The following ASH1L variants were observed in gnomAD, a reference collection of about 807,000 sequenced individuals.
ASH1L encodes the protein ASH1 like histone lysine methyltransferase.
A neutral mutation model predicts 269.0 loss-of-function variants in ASH1L; 23 were observed. The ratio of observed to expected loss-of-function variants is 0.09; its 90% confidence interval spans 0.06 to 0.12. The LOEUF is 0.12. ASH1L is among the 10% of genes least tolerant of loss of function. ASH1L has a pLI of 1.00. For missense variants in ASH1L, 2,912 were observed against 3,567.8 expected, an observed-to-expected ratio of 0.82 and a Z score of 4.68; for synonymous variants, 1,187 against 1,253.5, an observed-to-expected ratio of 0.95 and a Z score of 1.12.
intron 4 of ASH1L, among the ~76,000 whole-genome samples, chr1:155,456,230 T>C (rs925520495): frequency 9.9e-5 from 15 of 152,216 alleles, no homozygotes; most frequent in African/African-American, 3.1e-4. Context: ...ACAAGGTGTT[T>C]GCTTGCTCTG....
At chr1:155,410,833 T>G (rs1659704900) in intron 6 of ASH1L, among the ~76,000 whole-genome samples, 1 of 150,988 alleles carries the variant, frequency 6.6e-6, no homozygotes, top group Non-Finnish European at 1.5e-5. Flanking sequence ...CTTGAACTCC[T>G]GGGCTCAAGC....
intron 2 of ASH1L, among the ~76,000 whole-genome samples, chr1:155,512,534 C>T (rs1668231508): frequency 7.0e-6 from 1 of 143,268 alleles, no homozygotes; most frequent in African/African-American, 2.6e-5. Flanking sequence ...TCACTGCAAC[C>T]TCCACCTCCT....
chr1:155,405,292 G>A (rs1010321753), intron 6 of ASH1L, among the ~76,000 whole-genome samples: 4 of 151,910 alleles, frequency 2.6e-5, no homozygotes, highest in Admixed American at 2.6e-4. Flanking sequence ...AGACCAGCCT[G>A]GCCAACATGG....
intron 13 of ASH1L, chr1:155,358,712 A>C (rs1046081485): frequency 9.9e-5 from 15 of 152,046 alleles, no homozygotes; most frequent in African/African-American, 1.7e-4. Flanking sequence ...AAAAAAAAAA[A>C]AAAACATGAA....
intron 6 of ASH1L, among the ~76,000 whole-genome samples, chr1:155,412,855 A>C (rs1464796862): frequency 1.3e-5 from 2 of 152,008 alleles, no homozygotes; most frequent in Non-Finnish European, 1.5e-5. Flanking sequence ...GTGTATGGGA[A>C]AACCCTCATA....
intron 6 of ASH1L, among the ~76,000 whole-genome samples, chr1:155,399,131 T>G (rs1658618334): frequency 6.6e-6 from 1 of 152,216 alleles, no homozygotes; most frequent in African/African-American, 2.4e-5. Context: ...TCCTCATATT[T>G]GTTACCACAT....
intron 2 of ASH1L, among the ~76,000 whole-genome samples, chr1:155,509,689 C>T (rs1344488048): frequency 6.6e-6 from 1 of 152,136 alleles, no homozygotes; most frequent in Non-Finnish European, 1.5e-5. Flanking sequence ...ATCCCAGCTA[C>T]TCAGGAGGCT....
chr1:155,549,961 C>T (rs1006064317), intron 1 of ASH1L, among the ~76,000 whole-genome samples: 1 of 152,092 alleles, frequency 6.6e-6, no homozygotes, highest in Admixed American at 6.6e-5. Flanking sequence ...CAAAATATAC[C>T]TCAAATCCAC....
At chr1:155,530,405 T>C (rs1035941512) in intron 1 of ASH1L, among the ~76,000 whole-genome samples, 7 of 152,110 alleles carry the variant, frequency 4.6e-5, no homozygotes, top group African/African-American at 1.7e-4. Flanking sequence ...CTGACTTATG[T>C]GGGTTATATT....
rs1371780466 is a variant in ASH1L, at chr1:155,364,999, A to T, written c.6687-4590T>A. Among the ~76,000 whole-genome samples, 5 of 151,630 alleles carry T rather than the reference A, an allele frequency of 3.3e-5. No individual in the cohort carries two copies. In the East Asian group the frequency reaches 9.7e-4, roughly 29 times the overall value. ...TTTTATTCCTTTACTTTCTTAATAAACTTGCTTTCACTTTATTCTATGGAC... is the reference window on the plus strand; with the variant it reads ...TTTTATTCCTTTACTTTCTTAATAATCTTGCTTTCACTTTATTCTATGGAC... On this transcript the variant is annotated intron_variant, in intron 12 of 27. Coordinates refer to ENST00000392403, the MANE Select transcript of ASH1L (RefSeq NM_018489.3).
chr1:155,420,742 C>T (rs1480791050), intron 5 of ASH1L, among the ~76,000 whole-genome samples: 1 of 151,136 alleles, frequency 6.6e-6, no homozygotes, highest in Non-Finnish European at 1.5e-5. Flanking sequence ...CTCAGCTACT[C>T]GGGAGGCTGA....
In ASH1L at chr1:155,463,293, T is replaced by C. The variant is rs184878936; in HGVS notation, c.4985-3395A>G. Among the ~76,000 whole-genome samples, 9 of 152,328 alleles carry C rather than the reference T, an allele frequency of 5.9e-5. No homozygotes were observed. In the East Asian group the frequency reaches 1.7e-3, roughly 29 times the overall value. On this transcript the variant is annotated intron_variant, in intron 3 of 27. Transcript: ENST00000392403. ...ACTATGGAGTAAAGCATCCTTGGGT[T>C]TGACTCCTGGCTCTGCTACAAATTA...
At chr1:155,560,969 A>C (rs530613550) in intron 1 of ASH1L, among the ~76,000 whole-genome samples, 38 of 151,624 alleles carry the variant, frequency 2.5e-4, no homozygotes, top group African/African-American at 9.0e-4. Flanking sequence ...CTATCTTTCC[A>C]GCATACTCAG....
In ASH1L at chr1:155,349,437, T is replaced by A. The variant is rs774220548; in HGVS notation, c.7444A>T (p.Ile2482Phe). The stretch of plus-strand genomic sequence containing the variant: ...GTGATAAGATCTAGGGGATCAGAGA[T>A]CTTCTCATAATAATCAGCATTCCTG... Reference protein sequence around the residue: ...KKKNADYYEKISDPLDLITIE... With the variant: ...KKKNADYYEKFSDPLDLITIE... The change falls in exon 19 of 28, where the codon ATC becomes TTC. Residue 2482 changes from isoleucine to phenylalanine, a missense_variant. Physicochemically the swap from Ile to Phe is conservative, Grantham distance 21. Coordinates refer to ENST00000392403, the MANE Select transcript of ASH1L (RefSeq NM_018489.3). 1.2e-6 allele frequency: 2 copies of A among 1,614,128 alleles called. No homozygotes were observed. Among genetic ancestry groups the A allele is most frequent in the Admixed American group, 3.3e-5 (2 of 59,998 alleles).
At chr1:155,443,312 C>A (rs1662747746) in intron 4 of ASH1L, among the ~76,000 whole-genome samples, 1 of 152,238 alleles carries the variant, frequency 6.6e-6, no homozygotes, top group Non-Finnish European at 1.5e-5. Flanking sequence ...CTATTAATAC[C>A]TCACACTTCA....
chr1:155,517,789 A>ATTTT (rs1221588628), intron 2 of ASH1L, among the ~76,000 whole-genome samples: 1 of 127,106 alleles, frequency 7.9e-6, no homozygotes, highest in Non-Finnish European at 1.7e-5. Context: ...ATGGCCAATA[A>ATTTT]TTTCTTTTTT....
At chr1:155,450,762 G>C (rs1376842909) in intron 4 of ASH1L, among the ~76,000 whole-genome samples, 1 of 152,180 alleles carries the variant, frequency 6.6e-6, no homozygotes, top group African/African-American at 2.4e-5. Context: ...GCTCATAGCA[G>C]TATTATTCAC....
Position 155,354,388 on chromosome 1 carries a change from A to T in ASH1L, c.7213+85T>A, listed in dbSNP as rs539851342. ...AACCCAGGAGGCAGAGGTTGCAGTG[A>T]GCCTAGATCATGCCATTGCACTCCA... On this transcript the variant is annotated intron_variant, in intron 16 of 27. Transcript: ENST00000392403. 252 of 1,246,986 alleles carry T rather than the reference A, an allele frequency of 2.0e-4. 4 individuals are homozygous for T. The South Asian group carries it at 3.8e-3, about 19-fold the overall frequency. The allele number at this position is 1,246,986 out of a possible 1,614,324, so 77.2% of individuals were successfully genotyped here. A position where few individuals can be genotyped will look rare whatever the true frequency, so the allele number is the denominator to read the frequency against.
At chr1:155,358,203 A>G (rs904078859) in intron 13 of ASH1L, among the ~76,000 whole-genome samples, 2 of 152,174 alleles carry the variant, frequency 1.3e-5, no homozygotes, top group African/African-American at 4.8e-5. Context: ...GTATAAATAG[A>G]AATGGGTTTC....
Sources: gnomAD v4.1 joint callset for allele counts (sites outside exome capture counted in the v4.1 genomes callset) on GRCh38, gnomAD v4.1.1 for gene constraint, MANE v1.5 for transcripts, NCBI Gene and HGNC (gene_info 2026-07-23, HGNC 2026-07-21) for gene names.